Variants in RYR3 observed in about 807,000 individuals in gnomAD.
RYR3 encodes the protein ryanodine receptor 3.
Under a neutral mutation model 584.3 loss-of-function variants are expected in RYR3, and 207 were observed. The observed-to-expected ratio is 0.35, with a 90% CI of 0.32 to 0.40. The LOEUF (loss-of-function observed/expected upper bound fraction) is 0.40. Ranked by LOEUF, RYR3 falls within the 10% of genes least tolerant of loss-of-function variation. RYR3 has a pLI of 1.00. For synonymous variants in RYR3, 2,416 were observed against 2,248.5 expected, an observed-to-expected ratio of 1.07 and a Z score of -2.11; for missense variants, 5,616 against 6,089.2, an observed-to-expected ratio of 0.92 and a Z score of 2.59.
At chr15:33,651,432 C>T (rs757932236) in intron 31 of RYR3, among the ~76,000 whole-genome samples, 1 of 152,224 alleles carries the variant, frequency 6.6e-6, no homozygotes, top group Non-Finnish European at 1.5e-5. Flanking sequence ...CTGGCCCCTG[C>T]CTGAGGGCAT....
chr15:33,639,965 C>A (rs2061705100), intron 27 of RYR3, among the ~76,000 whole-genome samples: 1 of 152,170 alleles, frequency 6.6e-6, no homozygotes, highest in Non-Finnish European at 1.5e-5. Flanking sequence ...AAATCCTGAA[C>A]ATTCTGCTAG....
chr15:33,726,541 TC>T (rs2068474653), intron 46 of RYR3, 35 bp downstream of exon 46: 4 of 1,552,534 alleles, frequency 2.6e-6, no homozygotes, highest in East Asian at 2.4e-5. Context: ...AGCAGCAGTC[TC>T]CCAGCAGCCA....
Position 33,821,267 on chromosome 15 carries a change from C to CTT in RYR3, c.10816-3_10816-2insTT. 2 of 1,587,246 alleles carry CTT rather than the reference C, an allele frequency of 1.3e-6. No individual in the cohort carries two copies. Among genetic ancestry groups the CTT allele is most frequent in the South Asian group, 2.3e-5 (2 of 86,512 alleles). ...CTTTCCCTGTGATTTTTTTTCCCCC[C>CTT]AGGAGAAAGAGATGGAGAAGCAAAA... is the stretch of plus-strand genomic sequence containing the variant. On this transcript the variant is annotated splice_region_variant and splice_polypyrimidine_tract_variant and intron_variant, in intron 78 of 103. Transcript: ENST00000634891.
rs2572198 is a variant in RYR3 at position 33,529,781 on chromosome 15, C to T, written c.280-811C>T. 8.6e-3 allele frequency among the ~76,000 whole-genome samples: 1,312 copies of T among 152,258 alleles called. 21 individuals are homozygous for T. Among genetic ancestry groups the T allele is most frequent in the African/African-American group, 0.029 (1,191 of 41,522 alleles). ...TTTCTGTAGATTTCCATTTTCCATGCGACCTACTCACCTCTAACTATAATA... is the reference window on the plus strand; with the variant it reads ...TTTCTGTAGATTTCCATTTTCCATGTGACCTACTCACCTCTAACTATAATA... On this transcript the variant is annotated intron_variant, in intron 3 of 103. Transcript: ENST00000634891.
rs1026921630 is a variant in RYR3, at chr15:33,585,913, G to A, written c.1670-85G>A. 3.9e-6 allele frequency: 3 copies of A among 763,936 alleles called. No individual in the cohort carries two copies. In the East Asian group the frequency reaches 7.5e-5, roughly 19 times the overall value. The allele number at this position is 763,936 out of a possible 1,614,324, so 47.3% of individuals were successfully genotyped here. On this transcript the variant is annotated intron_variant, in intron 15 of 103. Coordinates refer to ENST00000634891, the MANE Select transcript of RYR3 (RefSeq NM_001036.6). ...GACGATATCCTGTCCCCTCAGGAAG[G>A]ACTGTTCATACTCAGGTTTCTAAAT...
At chr15:33,653,504 A>C (rs1415935756) in intron 32 of RYR3, among the ~76,000 whole-genome samples, 1 of 152,054 alleles carries the variant, frequency 6.6e-6, no homozygotes, top group Non-Finnish European at 1.5e-5. Flanking sequence ...ACCTGTCTCT[A>C]TTAAAAATGC....
intron 38 of RYR3, among the ~76,000 whole-genome samples, chr15:33,694,167 T>C (rs2065655618): frequency 1.4e-5 from 2 of 147,102 alleles, no homozygotes; most frequent in East Asian, 2.0e-4. Context: ...GGAAAAAAAA[T>C]AGCAAATTTA....
intron 1 of RYR3, among the ~76,000 whole-genome samples, chr15:33,422,830 G>T (rs1319466800): frequency 1.3e-5 from 2 of 152,172 alleles, no homozygotes; most frequent in Non-Finnish European, 2.9e-5. Flanking sequence ...GAAAGCCATT[G>T]AATTGGTTTG....
intron 1 of RYR3, among the ~76,000 whole-genome samples, chr15:33,328,998 A>G (rs1164725777): frequency 6.6e-6 from 1 of 152,194 alleles, no homozygotes; most frequent in African/African-American, 2.4e-5. Flanking sequence ...ATGGAATACT[A>G]ATGTAGGCTG....
chr15:33,757,990 G>A (rs910038041), intron 60 of RYR3, among the ~76,000 whole-genome samples: 1 of 152,162 alleles, frequency 6.6e-6, no homozygotes. Context: ...AGCCCAAGGA[G>A]GGCGAGCCAA....
intron 1 of RYR3, among the ~76,000 whole-genome samples, chr15:33,355,688 T>C (rs1382764602): frequency 6.6e-6 from 1 of 152,220 alleles, no homozygotes; most frequent in Non-Finnish European, 1.5e-5. Context: ...GCTTCCATTG[T>C]AGCTGACTAT....
chr15:33,324,215 A>G (rs1285135218), intron 1 of RYR3, among the ~76,000 whole-genome samples: 1 of 152,200 alleles, frequency 6.6e-6, no homozygotes, highest in Admixed American at 6.5e-5. Flanking sequence ...GGATTATGAC[A>G]TTCTCTATGG....
chr15:33,830,822 A>G, intron 85 of RYR3, 141 bp from the exon 86 acceptor site: 1 of 722,584 alleles, frequency 1.4e-6, no homozygotes, highest in Non-Finnish European at 2.2e-6. Context: ...GTATCTCTGC[A>G]CTTCTTCACA....
chr15:33,656,460 A>G (rs930870331), intron 32 of RYR3, among the ~76,000 whole-genome samples: 1 of 151,058 alleles, frequency 6.6e-6, no homozygotes, highest in Non-Finnish European at 1.5e-5. Context: ...AGACTGACCC[A>G]CGGCTGGGAA....
chr15:33,519,045 C>T (rs996258117), intron 3 of RYR3, among the ~76,000 whole-genome samples: 1 of 152,174 alleles, frequency 6.6e-6, no homozygotes, highest in Non-Finnish European at 1.5e-5. Context: ...AAGTCCCTTT[C>T]CCCAGTCTGC....
rs748027684 is a variant in RYR3, at chr15:33,739,882, A to G, written c.7707A>G (p.Ile2569Met). The change falls in exon 51 of 104, where the codon ATA (isoleucine) becomes ATG (methionine). Residue 2569 changes from isoleucine to methionine, a missense_variant. Transcript: ENST00000634891. ...FRMALPCLSA[I>M]AGALPPDYLD... is the part of the protein sequence containing the mutation. The stretch of plus-strand genomic sequence containing the variant: ...TGGCCCTGCCTTGTCTCAGTGCTAT[A>G]GCTGGGGCCTTGCCACCAGATTATT... 3.1e-6 allele frequency: 5 copies of G among 1,613,684 alleles called. No individual in the cohort carries two copies. The Admixed American group carries it at 8.3e-5, about 27-fold the overall frequency.
At chr15:33,857,034 C>T (rs748356567) in intron 98 of RYR3, among the ~76,000 whole-genome samples, 1 of 152,146 alleles carries the variant, frequency 6.6e-6, no homozygotes, top group East Asian at 1.9e-4. Flanking sequence ...TCTGTATGAA[C>T]AATAACAAAA....
intron 1 of RYR3, among the ~76,000 whole-genome samples, chr15:33,393,599 A>G (rs1156668445): frequency 6.6e-6 from 1 of 152,224 alleles, no homozygotes; most frequent in Non-Finnish European, 1.5e-5. Flanking sequence ...ATGGTTGAGA[A>G]GGAGCAACTC....
At chr15:33,856,660 T>C (rs1357590218) in intron 98 of RYR3, 1 of 156,526 alleles carries the variant, frequency 6.4e-6, no homozygotes, top group African/African-American at 2.4e-5. Flanking sequence ...TTTTGTTTGT[T>C]TGTTTGTTTG....
Sources: gnomAD v4.1 joint callset for allele counts (sites outside exome capture counted in the v4.1 genomes callset) on GRCh38, gnomAD v4.1.1 for gene constraint, MANE v1.5 for transcripts, NCBI Gene and HGNC (gene_info 2026-07-23, HGNC 2026-07-21) for gene names.